IFT74: variants seen among roughly 807,000 people sequenced by gnomAD.
IFT74 encodes intraflagellar transport 74.
A neutral mutation model predicts 96.7 loss-of-function variants in IFT74; 92 were observed. The ratio of observed to expected loss-of-function variants is 0.95; its 90% confidence interval spans 0.80 to 1.13. The LOEUF is 1.13. Ranked by LOEUF, IFT74 falls within the 50% of genes most tolerant of loss-of-function variation. The probability of loss-of-function intolerance (pLI) is 0.00; values close to 1 mark genes in which losing one functional copy is unlikely to be tolerated. For missense variants in IFT74, 811 were observed against 698.2 expected (o/e 1.16, Z -1.82); for synonymous variants, 223 against 213.2 (o/e 1.05, Z -0.40).
At chr9:27,005,871 G>A (rs879855058) in intron 8 of IFT74, among the ~76,000 whole-genome samples, 21 of 151,692 alleles carry the variant, frequency 1.4e-4, no homozygotes, top group Admixed American at 1.2e-3. Flanking sequence ...ATGAAGTCTC[G>A]CTCTGTCATT....
chr9:27,038,302 A>G (rs549601273), intron 13 of IFT74, among the ~76,000 whole-genome samples: 34 of 152,140 alleles, frequency 2.2e-4, no homozygotes, highest in Non-Finnish European at 3.4e-4. Context: ...TCACTCTGTC[A>G]CCCAGGCTGG....
At position 27,060,666 on chromosome 9, in the gene IFT74, G is replaced by C; in HGVS notation, c.1684+15G>C. ...GATGAAAGAATGTATCCTTTAAAAA[G>C]CTGAAAATGGGGCCGGGTGCGGTGG... On this transcript the variant is annotated intron_variant, in intron 19 of 19. Transcript: ENST00000380062. 2.5e-6 allele frequency: 4 copies of C among 1,586,650 alleles called. No individual in the cohort carries two copies. Among genetic ancestry groups the C allele is most frequent in the Non-Finnish European group, 2.6e-6 (3 of 1,162,044 alleles).
chr9:26,976,347 C>G (rs1827127624), intron 2 of IFT74, among the ~76,000 whole-genome samples: 1 of 152,186 alleles, frequency 6.6e-6, no homozygotes, highest in Non-Finnish European at 1.5e-5. Context: ...AGCAAATTTA[C>G]TTTTGCGCAG....
rs562719664 is a variant in IFT74 at position 27,053,004 on chromosome 9, C to T, written c.1334-2605C>T. Among the ~76,000 whole-genome samples, 10 of 152,150 alleles carry T rather than the reference C, an allele frequency of 6.6e-5. No individual in the cohort carries two copies. In the South Asian group the frequency reaches 1.5e-3, roughly 22 times the overall value. ...TCAGCCTCCCGAGTAGCTGGGACTA[C>T]AGGCACCCACCACCTCGCCCGGCTA... On this transcript the variant is annotated intron_variant, in intron 16 of 19. Transcript: ENST00000380062.
At chr9:27,036,242 A>G (rs1276434634) in intron 13 of IFT74, among the ~76,000 whole-genome samples, 1 of 152,240 alleles carries the variant, frequency 6.6e-6, no homozygotes, top group African/African-American at 2.4e-5. Context: ...GCAGAGGCAG[A>G]AGAAAATCTG....
At chr9:27,007,473 T>C (rs145385749) in intron 8 of IFT74, among the ~76,000 whole-genome samples, 159 of 152,356 alleles carry the variant, frequency 1.0e-3, no homozygotes, top group African/African-American at 3.6e-3. Flanking sequence ...CATATACCTA[T>C]ACAAATTGTA....
intron 12 of IFT74, among the ~76,000 whole-genome samples, chr9:27,020,166 A>G (rs564116907): frequency 5.3e-5 from 8 of 151,868 alleles, no homozygotes; most frequent in Non-Finnish European, 1.0e-4. Context: ...TTAATCAACT[A>G]AGTTGTAAAT....
chr9:26,949,883 C>A (rs1825877625), intron 1 of IFT74, among the ~76,000 whole-genome samples: 1 of 152,150 alleles, frequency 6.6e-6, no homozygotes, highest in Non-Finnish European at 1.5e-5. Context: ...TGCCAAAATG[C>A]TAAATTTGAA....
At chr9:27,044,414 C>A (rs1225974320) in intron 13 of IFT74, among the ~76,000 whole-genome samples, 11 of 152,112 alleles carry the variant, frequency 7.2e-5, no homozygotes, top group Admixed American at 7.2e-4. Flanking sequence ...TGCTGTCTTG[C>A]TGGTGATCTT....
intron 1 of IFT74, among the ~76,000 whole-genome samples, chr9:26,958,033 G>C (rs556156776): frequency 5.9e-5 from 9 of 152,226 alleles, no homozygotes; most frequent in South Asian, 4.1e-4. Flanking sequence ...GATTACAGGC[G>C]TGAGCCACCG....
chr9:26,948,855 C>T (rs983957027), intron 1 of IFT74, among the ~76,000 whole-genome samples: 10 of 152,138 alleles, frequency 6.6e-5, no homozygotes, highest in African/African-American at 2.4e-4. Flanking sequence ...TGTTATCTCT[C>T]TTACTCTAGA....
At chr9:27,053,723 A>G (rs764235855) in intron 16 of IFT74, among the ~76,000 whole-genome samples, 50 of 152,236 alleles carry the variant, frequency 3.3e-4, no homozygotes, top group Non-Finnish European at 6.5e-4. Context: ...AGAAAAATCA[A>G]TTTGTATGGT....
At chr9:27,026,164 C>G (rs1232178825) in intron 12 of IFT74, among the ~76,000 whole-genome samples, 1 of 152,062 alleles carries the variant, frequency 6.6e-6, no homozygotes, top group Non-Finnish European at 1.5e-5. Flanking sequence ...CAAATGGTCC[C>G]AAAAGCAAGT....
At chr9:27,016,638 A>G (rs554583310) in intron 10 of IFT74, among the ~76,000 whole-genome samples, 2 of 152,214 alleles carry the variant, frequency 1.3e-5, no homozygotes, top group Non-Finnish European at 2.9e-5. Context: ...GAGTTGTCCT[A>G]TACTTATTCA....
chr9:27,016,039 T>G (rs1829327995), intron 10 of IFT74, among the ~76,000 whole-genome samples: 1 of 152,216 alleles, frequency 6.6e-6, no homozygotes, highest in Admixed American at 6.5e-5. Context: ...TGTTATTTCA[T>G]GTGTTCATTT....
chr9:27,053,095 C>T (rs1587420825), intron 16 of IFT74, among the ~76,000 whole-genome samples: 1 of 151,414 alleles, frequency 6.6e-6, no homozygotes, highest in Non-Finnish European at 1.5e-5. Context: ...GATCTCCTGA[C>T]CTCGTGATCC....
chr9:27,022,925 A>C (rs894251449), intron 12 of IFT74, among the ~76,000 whole-genome samples: 7 of 151,956 alleles, frequency 4.6e-5, no homozygotes, highest in African/African-American at 1.7e-4. Flanking sequence ...GGCATGAGCC[A>C]CCGCGCCCGA....
chr9:27,002,448 A>T (rs1201391092), intron 8 of IFT74, among the ~76,000 whole-genome samples: 2 of 152,204 alleles, frequency 1.3e-5, no homozygotes, highest in Admixed American at 1.3e-4. Flanking sequence ...AAAGTCTTTA[A>T]TCCATTTTTA....
intron 9 of IFT74, among the ~76,000 whole-genome samples, chr9:27,011,142 A>C (rs1272161268): frequency 6.6e-6 from 1 of 152,094 alleles, no homozygotes; most frequent in African/African-American, 2.4e-5. Flanking sequence ...AATCCCAGCT[A>C]CTCGGGAGGC....
Sources: allele counts gnomAD v4.1 joint callset (sites outside exome capture counted in the v4.1 genomes callset), GRCh38; gene constraint gnomAD v4.1.1; transcripts MANE v1.5; gene names NCBI Gene and HGNC (gene_info 2026-07-23, HGNC 2026-07-21).